The following AGT variants were observed in gnomAD, a reference collection of about 807,000 sequenced individuals.
AGT encodes angiotensinogen.
In AGT, 26 loss-of-function variants were observed where a neutral mutation model predicts 28.1. The observed-to-expected ratio is 0.92, with a 90% CI of 0.68 to 1.28. AGT has a LOEUF of 1.28. Among genes scored for constraint, AGT ranks in the 50% most tolerant of loss-of-function variants. AGT has a pLI of 0.00. For synonymous variants in AGT, 259 were observed against 259.6 expected, an observed-to-expected ratio of 1.00 and a Z score of 0.02; for missense variants, 596 against 592.3, an observed-to-expected ratio of 1.01 and a Z score of -0.06.
intron 1 of AGT, among the ~76,000 whole-genome samples, chr1:230,721,086 A>G (rs6666488): frequency 0.14 from 21,538 of 152,252 alleles, 1,665 homozygotes; most frequent in South Asian, 0.22. Context: ...TGGCAAAGGG[A>G]CCGAGAAAAA....
chr1:230,735,711 C>A (rs970801358), intron 1 of AGT, among the ~76,000 whole-genome samples: 5 of 152,110 alleles, frequency 3.3e-5, no homozygotes, highest in Non-Finnish European at 7.4e-5. Context: ...CTTCTCCTTC[C>A]CCTTAGGTTG....
intron 2 of AGT, among the ~76,000 whole-genome samples, chr1:230,708,538 G>T (rs1002155376): frequency 6.6e-6 from 1 of 152,204 alleles, no homozygotes; most frequent in Non-Finnish European, 1.5e-5. Context: ...CCCTGAACCC[G>T]AAGGGAAAGA....
At chr1:230,723,012 C>A (rs1177084613) in intron 1 of AGT, among the ~76,000 whole-genome samples, 2 of 151,896 alleles carry the variant, frequency 1.3e-5, no homozygotes, top group Non-Finnish European at 2.9e-5. Context: ...CCCCACCTGT[C>A]AAGGGAGGCA....
intron 1 of AGT, among the ~76,000 whole-genome samples, chr1:230,722,003 T>C (rs1179052275): frequency 1.3e-5 from 2 of 152,240 alleles, no homozygotes; most frequent in African/African-American, 4.8e-5. Flanking sequence ...TCAGAGACCT[T>C]CACCACAGTC....
intron 1 of AGT, among the ~76,000 whole-genome samples, chr1:230,722,379 G>A (rs1465559029): frequency 6.6e-6 from 1 of 152,260 alleles, no homozygotes; most frequent in Non-Finnish European, 1.5e-5. Flanking sequence ...ATGTGGGGTT[G>A]CAGCCCTCAC....
chr1:230,706,631 C>T (rs886364851), intron 2 of AGT, among the ~76,000 whole-genome samples: 4 of 152,296 alleles, frequency 2.6e-5, no homozygotes, highest in Admixed American at 6.5e-5. Context: ...ACAGCAAAAT[C>T]GAGCAGAAAG....
intron 1 of AGT, among the ~76,000 whole-genome samples, chr1:230,742,220 C>T (rs1026460458): frequency 1.3e-5 from 2 of 152,062 alleles, no homozygotes; most frequent in African/African-American, 4.8e-5. Flanking sequence ...GTGTAGTTTC[C>T]GAGAAATTTT....
intron 1 of AGT, among the ~76,000 whole-genome samples, chr1:230,732,658 A>G (rs1664088570): frequency 6.6e-6 from 1 of 152,256 alleles, no homozygotes; most frequent in African/African-American, 2.4e-5. Flanking sequence ...TGCACAAAGT[A>G]AGCTACAGAA....
chr1:230,736,436 G>A (rs924573202), intron 1 of AGT, among the ~76,000 whole-genome samples: 8 of 152,036 alleles, frequency 5.3e-5, no homozygotes, highest in African/African-American at 9.7e-5. Context: ...GGAGAATGGC[G>A]TGAACCCAGG....
At chr1:230,731,811 G>A (rs910007288) in intron 1 of AGT, among the ~76,000 whole-genome samples, 5 of 152,044 alleles carry the variant, frequency 3.3e-5, no homozygotes, top group Non-Finnish European at 7.3e-5. Flanking sequence ...AGGTTGCAAC[G>A]AACCAAGATC....
At position 230,729,365 on chromosome 1, in the gene AGT, G is replaced by A. The variant is rs77577747; in HGVS notation, c.-31+16150C>T. On this transcript the variant is annotated intron_variant, in intron 1 of 4. Transcript: ENST00000681269. ...GGCTTAATTCTCCCGGTTGAAAATG[G>A]GGGAAGAGGTTTCCCTCCCTCTCTT... Among the ~76,000 whole-genome samples the A allele has an allele frequency of 2.2e-3, 340 of 152,342 alleles. 2 individuals are homozygous for A. The highest frequency in any genetic ancestry group is 7.8e-3 in the African/African-American group (326 of 41,572).
At chr1:230,709,827 C>T (rs2102790153) in intron 2 of AGT, among the ~76,000 whole-genome samples, 168 bp downstream of exon 2, 1 of 152,332 alleles carries the variant, frequency 6.6e-6, no homozygotes, top group African/African-American at 2.4e-5. Context: ...AGGTGGACGG[C>T]CCATCCAGGG....
At chr1:230,742,410 G>C (rs529976951) in intron 1 of AGT, among the ~76,000 whole-genome samples, 2 of 152,108 alleles carry the variant, frequency 1.3e-5, no homozygotes, top group African/African-American at 4.8e-5. Flanking sequence ...CCACCTCCCG[G>C]GTTCAAGCAA....
In AGT at chr1:230,703,032, T is replaced by TGG; in HGVS notation, c.*107_*108dup. ...CTCATTAGAAGAAAAGGTGGGAGAC[T>TGG]GGGGGTGACACATCGCTGATTTGTC... On this transcript the variant is annotated 3_prime_UTR_variant, in exon 5 of 5. Coordinates refer to ENST00000366667, the MANE Select transcript of AGT (RefSeq NM_001384479.1). The TGG allele has an allele frequency of 8.0e-7, 1 of 1,244,288 alleles. No individual in the cohort carries two copies. The highest frequency in any genetic ancestry group is 1.1e-6 in the Non-Finnish European group (1 of 886,728). 77.1% of individuals were successfully genotyped at this position (1,244,288 alleles called of 1,614,324 possible). A position where few individuals can be genotyped will look rare whatever the true frequency, so the allele number is the denominator to read the frequency against.
rs550996717 is a variant in AGT, at chr1:230,737,611, C to T, written c.-31+7904G>A. On this transcript the variant is annotated intron_variant, in intron 1 of 4. Transcript: ENST00000681269. ...ACAGGCTTGAGCCACTGCGCCCAGC[C>T]TGTTTATTATTATTATCATTATTGC... is the stretch of plus-strand genomic sequence containing the variant. Among the ~76,000 whole-genome samples, 15 of 152,212 alleles carry T rather than the reference C, an allele frequency of 9.9e-5. No individual in the cohort carries two copies. In the East Asian group the frequency reaches 1.5e-3, roughly 16 times the overall value.
chr1:230,723,956 G>T (rs920112592), intron 1 of AGT, among the ~76,000 whole-genome samples: 4 of 152,198 alleles, frequency 2.6e-5, no homozygotes, highest in African/African-American at 4.8e-5. Flanking sequence ...ATTTATGGTA[G>T]TTCATGGTCA....
upstream of AGT, among the ~76,000 whole-genome samples, chr1:230,717,405 A>G (rs896196096): frequency 6.6e-6 from 1 of 152,152 alleles, no homozygotes; most frequent in Non-Finnish European, 1.5e-5. Flanking sequence ...CTCCAGCAAA[A>G]CTAAACCAAA....
intron 2 of AGT, among the ~76,000 whole-genome samples, 159 bp downstream of exon 2, chr1:230,709,836 G>C (rs955034876): frequency 6.6e-6 from 1 of 152,224 alleles, no homozygotes; most frequent in Non-Finnish European, 1.5e-5. Context: ...GCCCATCCAG[G>C]GACCCAGCGG....
intron 4 of AGT, among the ~76,000 whole-genome samples, chr1:230,703,662 C>T (rs1663295282): frequency 1.3e-5 from 2 of 152,240 alleles, no homozygotes; most frequent in African/African-American, 2.4e-5. Context: ...CCCACCAGTG[C>T]CAGGGCTTAG....
Sources: allele counts gnomAD v4.1 joint callset (sites outside exome capture counted in the v4.1 genomes callset), GRCh38; gene constraint gnomAD v4.1.1; transcripts MANE v1.5; gene names NCBI Gene and HGNC (gene_info 2026-07-23, HGNC 2026-07-21).